RYR3: variants seen among roughly 807,000 people sequenced by gnomAD.
RYR3 encodes brain ryanodine receptor-calcium release channel.
Under a neutral mutation model 584.3 loss-of-function variants are expected in RYR3, and 207 were observed. That is an observed-to-expected ratio of 0.35 (90% confidence interval 0.32 to 0.40). The LOEUF (loss-of-function observed/expected upper bound fraction) is 0.40. RYR3 is among the 10% of genes least tolerant of loss of function. The pLI is 1.00. For synonymous variants in RYR3, 2,416 were observed against 2,248.5 expected, an observed-to-expected ratio of 1.07 and a Z score of -2.11; for missense variants, 5,616 against 6,089.2, an observed-to-expected ratio of 0.92 and a Z score of 2.59.
chr15:33,633,087 A>T lies in RYR3; in HGVS notation c.3006A>T (p.Gly1002=). 1.2e-6 allele frequency: 2 copies of T among 1,613,434 alleles called. No individual in the cohort carries two copies. The highest frequency in any genetic ancestry group is 2.7e-5 in the African/African-American group (2 of 75,060). ...NVWAKDRIKQ[G]WTYGIQQDLK... ...GGGCAAAAGACAGAATAAAACAAGG[A>T]TGGACCTATGGCATCCAACAGGTAA... The change falls in exon 24 of 104, where the codon GGA becomes GGT. Residue 1002 remains glycine (G), a synonymous_variant. Coordinates refer to ENST00000634891, the MANE Select transcript of RYR3 (RefSeq NM_001036.6).
At position 33,644,374 on chromosome 15, in the gene RYR3, C is replaced by G. The variant is rs1281422029; in HGVS notation, c.3620C>G (p.Ala1207Gly). 1.2e-6 allele frequency: 2 copies of G among 1,613,288 alleles called. No individual in the cohort carries two copies. The highest frequency in any genetic ancestry group is 2.2e-5 in the East Asian group (1 of 44,854). The change falls in exon 28 of 104, where the codon GCC becomes GGC. Residue 1207 changes from alanine (A) to glycine (G), a missense_variant. Ala to Gly is a moderately conservative substitution (Grantham distance 60, BLOSUM62 0). Around this residue, in one of 9 missense-constraint regions of RYR3, gnomAD observed 152 missense variants for 200.9 expected, o/e 0.76. Transcript: ENST00000634891. The stretch of plus-strand genomic sequence containing the variant: ...GGCCGCATGAATCTCGGGACAGATG[C>G]CAGTACCTTCAAGTTTTATACCATG... ...QIGRMNLGTD[A>G]STFKFYTMCG...
At chr15:33,830,763 A>G (rs984332947) in intron 85 of RYR3, 200 bp from the exon 86 acceptor site, 2 of 460,952 alleles carry the variant, frequency 4.3e-6, no homozygotes, top group East Asian at 3.5e-5. Flanking sequence ...ACTCCTATCT[A>G]TTCTTTCCTC....
intron 14 of RYR3, among the ~76,000 whole-genome samples, chr15:33,583,146 A>G (rs1311057001): frequency 6.6e-6 from 1 of 152,298 alleles, no homozygotes; most frequent in East Asian, 1.9e-4. Flanking sequence ...AGAGTTTCTA[A>G]ATCAGTAAAG....
intron 32 of RYR3, among the ~76,000 whole-genome samples, chr15:33,657,666 A>T (rs1440022862): frequency 6.6e-6 from 1 of 152,242 alleles, no homozygotes; most frequent in African/African-American, 2.4e-5. Flanking sequence ...GTTGAAAGTC[A>T]TTTACAAAGC....
At chr15:33,476,478 G>C (rs759737189) in intron 2 of RYR3, among the ~76,000 whole-genome samples, 8 of 151,998 alleles carry the variant, frequency 5.3e-5, no homozygotes, top group Non-Finnish European at 1.0e-4. Context: ...TTTCATTCTA[G>C]CCTTTGCCCA....
In RYR3 at chr15:33,390,380, A is replaced by G. The variant is rs1220290059; in HGVS notation, c.51+79284A>G. Among the ~76,000 whole-genome samples, 1 of 152,208 alleles carries G rather than the reference A, an allele frequency of 6.6e-6. No homozygotes were observed. The highest frequency in any genetic ancestry group is 1.5e-5 in the Non-Finnish European group (1 of 68,034). On this transcript the variant is annotated intron_variant, in intron 1 of 103. Transcript: ENST00000634891. This position sits in a 1 kb window ranked among gnomAD's most constrained non-coding sequence, Gnocchi z 4.2. ...TGACCTATTGAACACTAATATTTCC[A>G]AACACTGATATTTCCAAACTGATAT...
chr15:33,360,837 G>C (rs554954761), intron 1 of RYR3, among the ~76,000 whole-genome samples: 1 of 152,222 alleles, frequency 6.6e-6, no homozygotes, highest in African/African-American at 2.4e-5. Context: ...GGCAGCCAAG[G>C]AATCTGGCCT....
intron 38 of RYR3, among the ~76,000 whole-genome samples, chr15:33,693,708 T>C (rs567703241): frequency 2.8e-4 from 43 of 152,342 alleles, no homozygotes; most frequent in African/African-American, 8.9e-4. Context: ...GGTTGCAGAA[T>C]AGGATTCTGA....
intron 9 of RYR3, among the ~76,000 whole-genome samples, chr15:33,549,158 T>C (rs10519828): frequency 0.87 from 132,354 of 152,054 alleles, 58,289 homozygotes; most frequent in Middle Eastern, 0.98. Context: ...GAGTCATTTA[T>C]ATCCTCTTTC....
In RYR3 at chr15:33,473,567, C is replaced by T. The variant is rs750685399; in HGVS notation, c.171+29C>T. The T allele has an allele frequency of 1.4e-5, 23 of 1,610,958 alleles. No individual in the cohort carries two copies. The Admixed American group carries it at 1.5e-4, about 11-fold the overall frequency. ...AGATTGGCTGTCCGCCCTACACCTT[C>T]TTCCACCTTGGCGTCTGACAAAGTC... On this transcript the variant is annotated intron_variant, in intron 2 of 103. Transcript: ENST00000634891.
At chr15:33,679,827 A>T (rs1415576519) in intron 38 of RYR3, among the ~76,000 whole-genome samples, 4 of 152,258 alleles carry the variant, frequency 2.6e-5, no homozygotes, top group Non-Finnish European at 5.9e-5. Flanking sequence ...TGAGAGTCAG[A>T]AAAAGAACTA....
rs150592101 is a variant in RYR3 at position 33,725,685 on chromosome 15, C to T, written c.6913-701C>T. 3.3e-3 allele frequency among the ~76,000 whole-genome samples: 503 copies of T among 151,430 alleles called. 2 individuals are homozygous for T. The Middle Eastern group carries it at 0.034, about 10-fold the overall frequency. ...GTTTAACAGATTTCTAGAGGCCAGG[C>T]GTGGTGGTTTACGCCTGTGATCCCA... On this transcript the variant is annotated intron_variant, in intron 45 of 103. Transcript: ENST00000634891.
chr15:33,832,798 T>C (rs1201997082), intron 86 of RYR3, among the ~76,000 whole-genome samples: 1 of 151,268 alleles, frequency 6.6e-6, no homozygotes, highest in African/African-American at 2.4e-5. Flanking sequence ...TCACCTGAGG[T>C]CAGAAGTTCG....
chr15:33,378,147 C>CATTTGATAAA (rs2040887305), intron 1 of RYR3, among the ~76,000 whole-genome samples: 1 of 152,186 alleles, frequency 6.6e-6, no homozygotes, highest in African/African-American at 2.4e-5. Context: ...CATAGAACAG[C>CATTTGATAAA]ATTTGATAAA....
intron 1 of RYR3, among the ~76,000 whole-genome samples, chr15:33,450,725 C>G (rs1354305928): frequency 6.6e-6 from 1 of 151,938 alleles, no homozygotes; most frequent in African/African-American, 2.4e-5. Context: ...AATTTCATGT[C>G]AAGTAAATGG....
chr15:33,563,521 G>A lies in RYR3; in HGVS notation c.1146+511G>A, dbSNP rs144061628. 7.9e-4 allele frequency among the ~76,000 whole-genome samples: 121 copies of A among 152,286 alleles called. 2 individuals carry two copies. In the East Asian group the frequency reaches 0.022, roughly 28 times the overall value. ...GTGGTGCATCACAGCCTGCTCCAGC[G>A]AGAAAAACTAGCTTGGGTGCATGCA... On this transcript the variant is annotated intron_variant, in intron 11 of 103. Coordinates refer to ENST00000634891, the MANE Select transcript of RYR3 (RefSeq NM_001036.6).
intron 1 of RYR3, among the ~76,000 whole-genome samples, chr15:33,377,521 A>G (rs2040840936): frequency 6.6e-6 from 1 of 152,230 alleles, no homozygotes; most frequent in African/African-American, 2.4e-5. Context: ...AAGCATGAGC[A>G]TTCTCCACAG....
intron 42 of RYR3, 65 bp downstream of exon 42, chr15:33,701,145 T>TA (rs2152773724): frequency 1.9e-6 from 2 of 1,036,436 alleles, no homozygotes; most frequent in South Asian, 2.8e-5. Flanking sequence ...AAGCTAAGGA[T>TA]AAGCAGACCA....
At chr15:33,689,023 C>T (rs1036329292) in intron 38 of RYR3, among the ~76,000 whole-genome samples, 2 of 152,062 alleles carry the variant, frequency 1.3e-5, no homozygotes, top group African/African-American at 4.8e-5. Context: ...GGCACATAAA[C>T]ACCATGAAAT....
Sources: gnomAD v4.1 joint callset for allele counts (sites outside exome capture counted in the v4.1 genomes callset) on GRCh38, gnomAD v4.1.1 for gene constraint, gnomAD v4.1.1 regional missense constraint, Gnocchi (gnomAD v3.1) non-coding constraint, MANE v1.5 for transcripts, NCBI Gene and HGNC (gene_info 2026-07-23, HGNC 2026-07-21) for gene names.